The following CTNNA2 variants were observed in gnomAD, a reference collection of about 807,000 sequenced individuals.
The protein encoded by CTNNA2 is catenin alpha 2.
In CTNNA2, 42 loss-of-function variants were observed where a neutral mutation model predicts 101.0. That is an observed-to-expected ratio of 0.42 (90% CI 0.32 to 0.54). The LOEUF is 0.54. Ranked by LOEUF, CTNNA2 falls within the 20% of genes least tolerant of loss-of-function variation. The pLI is 0.14. For synonymous variants in CTNNA2, 450 were observed against 456.4 expected, an observed-to-expected ratio of 0.99 and a Z score of 0.18; for missense variants, 871 against 1,223.1, an observed-to-expected ratio of 0.71 and a Z score of 4.29.
At chr2:80,631,592 C>T (rs1672304380) in intron 18 of CTNNA2, among the ~76,000 whole-genome samples, 1 of 152,104 alleles carries the variant, frequency 6.6e-6, no homozygotes, top group Non-Finnish European at 1.5e-5. Flanking sequence ...CCCTGAAGTA[C>T]ATTCACTCCA....
chr2:80,328,150 G>C (rs1350676900), intron 7 of CTNNA2: 1 of 398,334 alleles, frequency 2.5e-6, no homozygotes, highest in Non-Finnish European at 5.2e-6. Flanking sequence ...CTTTGTCCCT[G>C]TCTCCTCGCT....
intron 7 of CTNNA2, among the ~76,000 whole-genome samples, chr2:79,944,357 A>G (rs933019260): frequency 1.3e-5 from 2 of 152,230 alleles, no homozygotes; most frequent in Admixed American, 1.3e-4. Context: ...TACTTTATTA[A>G]TTCAGTAAAC....
At chr2:79,265,018 T>C (rs765141157) in intron 2 of CTNNA2, among the ~76,000 whole-genome samples, 8 of 152,184 alleles carry the variant, frequency 5.3e-5, no homozygotes, top group Non-Finnish European at 1.0e-4. Flanking sequence ...ATTAGCTTTT[T>C]AGAGGATCTA....
chr2:79,235,921 AAC>A (rs1342332829), intron 2 of CTNNA2, among the ~76,000 whole-genome samples: 5 of 152,160 alleles, frequency 3.3e-5, no homozygotes, highest in Admixed American at 3.3e-4. Context: ...TTTCTGGGGC[AAC>A]AGGACGCTAC....
At chr2:79,473,431 T>TTCACACACAAATGCAC (rs1329458604) in intron 4 of CTNNA2, among the ~76,000 whole-genome samples, 1 of 151,836 alleles carries the variant, frequency 6.6e-6, no homozygotes, top group African/African-American at 2.4e-5. Flanking sequence ...CTCTCACATG[T>TTCACACACAAATGCAC]ACACACACAA....
At chr2:79,345,176 G>A (rs1434209) in intron 3 of CTNNA2, among the ~76,000 whole-genome samples, 126,231 of 151,482 alleles carry the variant, frequency 0.83, 52,745 homozygotes, top group East Asian at 0.97. Context: ...CTTTCCAGAA[G>A]AGAAATAAAA....
At chr2:79,587,614 C>T (rs2103956065) in intron 1 of CTNNA2, among the ~76,000 whole-genome samples, 1 of 152,256 alleles carries the variant, frequency 6.6e-6, no homozygotes, top group South Asian at 2.1e-4. Context: ...GTGCATAAAA[C>T]CATCATTTTC....
At chr2:80,212,953 T>A (rs1707999871) in intron 7 of CTNNA2, among the ~76,000 whole-genome samples, 2 of 152,182 alleles carry the variant, frequency 1.3e-5, no homozygotes, top group African/African-American at 4.8e-5. Context: ...AGGGTGTATG[T>A]GTCGAGGAAT....
chr2:79,306,915 C>A (rs1321783718), intron 2 of CTNNA2, among the ~76,000 whole-genome samples: 1 of 152,042 alleles, frequency 6.6e-6, no homozygotes. Flanking sequence ...CTGGTTTTGC[C>A]TTTTGTGGAA....
At position 80,178,127 on chromosome 2, in the gene CTNNA2, A is replaced by G. The variant is rs183290086; in HGVS notation, c.1057-215084A>G. On this transcript the variant is annotated intron_variant, in intron 7 of 18. Coordinates refer to ENST00000402739, the MANE Select transcript of CTNNA2 (RefSeq NM_001282597.3). ...ATCAGTGCAGGCTGGGGGAGAGAAG[A>G]CAAGGTGGCAGGAGTGGGGACCATG... Among the ~76,000 whole-genome samples, 43 of 152,338 alleles carry G rather than the reference A, an allele frequency of 2.8e-4. No individual in the cohort carries two copies. In the East Asian group the frequency reaches 7.3e-3, roughly 26 times the overall value.
intron 3 of CTNNA2, among the ~76,000 whole-genome samples, chr2:79,831,395 C>T (rs1276132731): frequency 6.6e-6 from 1 of 152,100 alleles, no homozygotes. Flanking sequence ...AATATTTTCA[C>T]TCTAAAGCCT....
rs561014398 is a variant in CTNNA2, at chr2:79,572,691, G to T, written c.-6+59484G>T. ...CACTTGAACCTAAGAGGTGGAGGTT[G>T]CAGTGAACCAAGATCACGCTGCTGC... On this transcript the variant is annotated intron_variant, in intron 1 of 18. Transcript: ENST00000402739. Among the ~76,000 whole-genome samples, 171 of 152,304 alleles carry T rather than the reference G, an allele frequency of 1.1e-3. 1 individual carries two copies. The highest frequency in any genetic ancestry group is 3.9e-3 in the African/African-American group (161 of 41,562).
intron 2 of CTNNA2, among the ~76,000 whole-genome samples, chr2:79,228,015 T>C (rs917854007): frequency 3.9e-5 from 6 of 152,222 alleles, no homozygotes; most frequent in Admixed American, 2.6e-4. Flanking sequence ...TTGTTTTCTG[T>C]TTTTGAGTTA....
chr2:80,643,397 A>T (rs1347132696), intron 18 of CTNNA2, among the ~76,000 whole-genome samples: 1 of 152,188 alleles, frequency 6.6e-6, no homozygotes, highest in East Asian at 1.9e-4. Flanking sequence ...GTGAGATAGA[A>T]TGAAATAAAC....
At chr2:79,787,965 T>C (rs147208440) in intron 3 of CTNNA2, among the ~76,000 whole-genome samples, 144 of 152,208 alleles carry the variant, frequency 9.5e-4, no homozygotes, top group African/African-American at 3.3e-3. Flanking sequence ...GAAGGGGCAT[T>C]ATTTTGACTA....
chr2:80,285,392 G>A (rs949986281), intron 7 of CTNNA2, among the ~76,000 whole-genome samples: 2 of 152,186 alleles, frequency 1.3e-5, no homozygotes, highest in African/African-American at 4.8e-5. Flanking sequence ...TTATTTTAAT[G>A]TCTTAATAAA....
chr2:80,494,072 C>G (rs944890857), intron 9 of CTNNA2, among the ~76,000 whole-genome samples: 1 of 152,076 alleles, frequency 6.6e-6, no homozygotes, highest in Non-Finnish European at 1.5e-5. Flanking sequence ...TAGACCTATT[C>G]TATTTTGCCC....
chr2:79,740,956 A>G (rs749935241), intron 2 of CTNNA2, among the ~76,000 whole-genome samples: 4 of 152,192 alleles, frequency 2.6e-5, no homozygotes, highest in Non-Finnish European at 5.9e-5. Context: ...GCATAGCTCA[A>G]GAAGAATAAA....
At chr2:79,369,308 G>A (rs1334776502) in intron 3 of CTNNA2, among the ~76,000 whole-genome samples, 2 of 152,098 alleles carry the variant, frequency 1.3e-5, no homozygotes, top group Admixed American at 1.3e-4. Flanking sequence ...AACAGTGTGG[G>A]CTCTTTATGT....
Sources: allele counts gnomAD v4.1 joint callset (sites outside exome capture counted in the v4.1 genomes callset), GRCh38; gene constraint gnomAD v4.1.1; transcripts MANE v1.5; gene names NCBI Gene and HGNC (gene_info 2026-07-23, HGNC 2026-07-21).